DENND1A: variants seen among roughly 807,000 people sequenced by gnomAD.
DENND1A encodes the protein DENN domain-containing protein 1A.
In DENND1A, 51 loss-of-function variants were observed where a neutral mutation model predicts 113.7. That is an observed-to-expected ratio of 0.45 (90% confidence interval 0.36 to 0.57). The LOEUF (loss-of-function observed/expected upper bound fraction) is 0.57, where lower values mean the gene tolerates loss of function less well. Ranked by LOEUF, DENND1A falls within the 20% of genes least tolerant of loss-of-function variation. DENND1A has a pLI of 0.00. For missense variants in DENND1A, 1,258 were observed against 1,395.9 expected (o/e 0.90, Z 1.57); for synonymous variants, 565 against 570.8 (o/e 0.99, Z 0.14).
chr9:123,916,627 C>A (rs1433444751), intron 1 of DENND1A, among the ~76,000 whole-genome samples: 1 of 152,026 alleles, frequency 6.6e-6, no homozygotes, highest in East Asian at 1.9e-4. Flanking sequence ...CCCGCCTTGG[C>A]CACCCAGAGT....
At chr9:123,596,550 A>G (rs1420636215) in intron 11 of DENND1A, among the ~76,000 whole-genome samples, 1 of 152,192 alleles carries the variant, frequency 6.6e-6, no homozygotes, top group Non-Finnish European at 1.5e-5. Context: ...AGAGTATCAG[A>G]GTTAAGATTT....
chr9:123,620,232 A>AAAAAAAAAAG (rs1554916729), intron 10 of DENND1A, among the ~76,000 whole-genome samples: 2,661 of 113,498 alleles, frequency 0.023, 138 homozygotes, highest in African/African-American at 0.062. Context: ...AAAAAAAAAA[A>AAAAAAAAAAG]AAAAAAGAAA....
chr9:123,682,145 C>G (rs1444923410), intron 5 of DENND1A, among the ~76,000 whole-genome samples: 2 of 152,188 alleles, frequency 1.3e-5, no homozygotes, highest in Admixed American at 1.3e-4. Flanking sequence ...ACTTTGCTAT[C>G]CTAAAAACAA....
At chr9:123,472,224 G>A (rs888238604) in intron 13 of DENND1A, among the ~76,000 whole-genome samples, 2 of 152,120 alleles carry the variant, frequency 1.3e-5, no homozygotes, top group African/African-American at 4.8e-5. Flanking sequence ...GGGTGACTGA[G>A]GTGACTCTGT....
At chr9:123,756,214 A>C (rs2070530303) in intron 5 of DENND1A, among the ~76,000 whole-genome samples, 1 of 152,150 alleles carries the variant, frequency 6.6e-6, no homozygotes. Flanking sequence ...GCCCGGCCAT[A>C]GTTGAGTTTT....
intron 2 of DENND1A, among the ~76,000 whole-genome samples, chr9:123,805,634 G>A (rs1257478083): frequency 2.0e-5 from 3 of 151,838 alleles, no homozygotes; most frequent in Non-Finnish European, 2.9e-5. Context: ...GGGTTTCATC[G>A]TGTTGGCCAG....
At chr9:123,748,727 T>C (rs958277593) in intron 5 of DENND1A, among the ~76,000 whole-genome samples, 7 of 152,208 alleles carry the variant, frequency 4.6e-5, no homozygotes, top group African/African-American at 1.7e-4. Context: ...CTTCTGCTTA[T>C]TGCTGTTGAA....
chr9:123,474,445 A>G (rs1374601172), intron 13 of DENND1A, among the ~76,000 whole-genome samples: 2 of 152,250 alleles, frequency 1.3e-5, no homozygotes, highest in African/African-American at 4.8e-5. Context: ...TTAAAATTTT[A>G]AGCAAAAATT....
intron 5 of DENND1A, among the ~76,000 whole-genome samples, chr9:123,685,487 C>A (rs2064752846): frequency 6.6e-6 from 1 of 152,142 alleles, no homozygotes; most frequent in Admixed American, 6.5e-5. Flanking sequence ...CCAAAAACTC[C>A]CATAAAACAT....
Position 123,557,634 on chromosome 9 carries a change from C to G in DENND1A, c.929G>C (p.Arg310Thr). 6.2e-7 allele frequency: 1 copy of G among 1,614,130 alleles called. No individual in the cohort carries two copies. Among genetic ancestry groups the G allele is most frequent in the Non-Finnish European group, 8.5e-7 (1 of 1,180,000 alleles). The part of the protein sequence containing the change: ...VSTTTGDGVA[R>T]AFLKAQAAFF... ...AGCAGCCTGGGCCTTGAGGAACGCT[C>G]TGGCCACACCATCCCCAGTGGTTGT... The change falls in exon 13 of 24, where the codon AGA becomes ACA. Residue 310 changes from arginine (R) to threonine (T), a missense_variant. By Grantham distance (71) the Arg-to-Thr change is moderately conservative (BLOSUM62 -1). Around this residue, in one of 2 missense-constraint regions of DENND1A, gnomAD observed 1,159 missense variants for 1,231.7 expected, o/e 0.94. Coordinates refer to ENST00000394215, the MANE Select transcript of DENND1A (RefSeq NM_001352964.2).
intron 5 of DENND1A, among the ~76,000 whole-genome samples, chr9:123,703,213 T>TC (rs1480231541): frequency 6.6e-6 from 1 of 152,204 alleles, no homozygotes. Context: ...GGTCTCGAAC[T>TC]CCTGGACTCA....
intron 13 of DENND1A, among the ~76,000 whole-genome samples, chr9:123,526,692 C>A (rs2054876502): frequency 6.6e-6 from 1 of 152,226 alleles, no homozygotes; most frequent in South Asian, 2.1e-4. Flanking sequence ...ACATTCGCAT[C>A]CCTTGGCGTT....
chr9:123,755,875 T>C (rs2070497261), intron 5 of DENND1A, among the ~76,000 whole-genome samples: 1 of 152,198 alleles, frequency 6.6e-6, no homozygotes, highest in East Asian at 1.9e-4. Context: ...CAGTAAACAG[T>C]AGGCTATGGA....
chr9:123,717,923 A>G (rs1281193754), intron 5 of DENND1A, among the ~76,000 whole-genome samples: 1 of 152,222 alleles, frequency 6.6e-6, no homozygotes, highest in East Asian at 1.9e-4. Flanking sequence ...TTTTGGAAAC[A>G]TACAACTCTT....
intron 4 of DENND1A, among the ~76,000 whole-genome samples, chr9:123,763,362 T>C (rs2071205446): frequency 6.6e-6 from 1 of 152,096 alleles, no homozygotes. Flanking sequence ...GGCTTGCAGA[T>C]GGACTGGGAA....
At chr9:123,725,053 T>C (rs1354410976) in intron 5 of DENND1A, among the ~76,000 whole-genome samples, 1 of 152,244 alleles carries the variant, frequency 6.6e-6, no homozygotes, top group Non-Finnish European at 1.5e-5. Context: ...TCTGTTTCAA[T>C]GAGTTCTAAA....
In DENND1A at chr9:123,676,807, A is replaced by C. The variant is rs370624002; in HGVS notation, c.303-18T>G. On this transcript the variant is annotated intron_variant, in intron 5 of 23. Transcript: ENST00000394215. ...GGAGATAGCTGGAGGAAGAAGAGGA[A>C]ACACATGAAATATTAGTATGCAGGT... The C allele has an allele frequency of 6.2e-5, 100 of 1,612,114 alleles. No homozygotes were observed. Among genetic ancestry groups the C allele is most frequent in the Non-Finnish European group, 8.2e-5 (97 of 1,178,396 alleles).
At position 123,540,702 on chromosome 9, in the gene DENND1A, C is replaced by T. The variant is rs996140570; in HGVS notation, c.993+16868G>A. Among the ~76,000 whole-genome samples the T allele has an allele frequency of 3.3e-5, 5 of 152,100 alleles. No individual in the cohort carries two copies. In the South Asian group the frequency reaches 8.3e-4, roughly 25 times the overall value. Reference sequence around the variant, plus strand: ...AAATGTGTCTGTGAAACCAGAGAGACGAAAGAAACAGCTACATGCTGCTGA... The same window carrying T: ...AAATGTGTCTGTGAAACCAGAGAGATGAAAGAAACAGCTACATGCTGCTGA... On this transcript the variant is annotated intron_variant, in intron 13 of 23. Coordinates refer to ENST00000394215, the MANE Select transcript of DENND1A (RefSeq NM_001352964.2).
At chr9:123,646,228 T>C (rs1211956616) in intron 9 of DENND1A, among the ~76,000 whole-genome samples, 1 of 152,190 alleles carries the variant, frequency 6.6e-6, no homozygotes, top group Admixed American at 6.5e-5. Context: ...AGGAGGTCAC[T>C]GGTGACTGGA....
Sources: allele counts gnomAD v4.1 joint callset (sites outside exome capture counted in the v4.1 genomes callset), GRCh38; gene constraint gnomAD v4.1.1; regional missense constraint gnomAD v4.1.1; transcripts MANE v1.5; gene names NCBI Gene and HGNC (gene_info 2026-07-23, HGNC 2026-07-21).